Variants in MATN2 observed in about 807,000 individuals in gnomAD.
MATN2 encodes the protein matrilin-2.
Under a neutral mutation model 103.2 loss-of-function variants are expected in MATN2, and 69 were observed. The ratio of observed to expected loss-of-function variants is 0.67; its 90% CI spans 0.55 to 0.82. The LOEUF (loss-of-function observed/expected upper bound fraction) is 0.82. Ranked by LOEUF, MATN2 falls within the 40% of genes least tolerant of loss-of-function variation. The pLI is 0.00. For missense variants in MATN2, 1,023 were observed against 1,211.5 expected (o/e 0.84, Z 2.31); for synonymous variants, 429 against 450.2 (o/e 0.95, Z 0.60).
Position 97,978,933 on chromosome 8 carries a change from G to A in MATN2, c.1006G>A (p.Val336Ile). The change falls in exon 6 of 19, where the codon GTA (valine) becomes ATA (isoleucine). Residue 336 changes from valine (V) to isoleucine (I), a missense_variant. Coordinates refer to ENST00000254898, the MANE Select transcript of MATN2 (RefSeq NM_002380.5). ...SENHGCEHEC[V>I]NADGSYLCQC... is the part of the protein sequence containing the mutation. ...AAACCACGGATGTGAACATGAGTGT[G>A]TAAATGCTGATGGCTCCTACCTTTG... 1.2e-6 allele frequency: 2 copies of A among 1,613,748 alleles called. No homozygotes were observed. The highest frequency in any genetic ancestry group is 2.2e-5 in the South Asian group (2 of 91,076).
chr8:97,935,089 CT>C (rs933296423), intron 3 of MATN2, among the ~76,000 whole-genome samples: 17 of 150,056 alleles, frequency 1.1e-4, no homozygotes, highest in South Asian at 8.5e-4. Context: ...CTATCATTAT[CT>C]TTTTTTTTTC....
chr8:97,874,941 C>A (rs1443954485), intron 1 of MATN2, among the ~76,000 whole-genome samples: 2 of 152,116 alleles, frequency 1.3e-5, no homozygotes, highest in Non-Finnish European at 2.9e-5. Context: ...TGGTCTCGAA[C>A]TTTTGACCTT....
intron 2 of MATN2, among the ~76,000 whole-genome samples, chr8:97,914,239 G>A (rs958204502): frequency 2.6e-5 from 4 of 152,020 alleles, no homozygotes; most frequent in Non-Finnish European, 4.4e-5. Context: ...CTTTGGGCTG[G>A]GCCATAGATG....
rs149072966 is a variant in MATN2, at chr8:97,908,132, G to A, written c.142+19890G>A. Among the ~76,000 whole-genome samples the A allele has an allele frequency of 1.7e-4, 26 of 152,268 alleles. No individual in the cohort carries two copies. The East Asian group carries it at 5.0e-3, about 29-fold the overall frequency. ...CTCACAGGGGGATTGCTATGGCTAA[G>A]TTCATAGATAATTGGGTAGTTGGCT... On this transcript the variant is annotated intron_variant, in intron 2 of 18. Transcript: ENST00000254898.
chr8:98,003,798 G>T lies in MATN2; in HGVS notation c.1327+15G>T. On this transcript the variant is annotated intron_variant, in intron 8 of 18. Transcript: ENST00000254898. The stretch of plus-strand genomic sequence containing the variant: ...AACCTGCAGCCGTGAGTGTACCCTA[G>T]GGGTGGGGTGCTGATGGAAGGTGGG... 2 of 1,613,474 alleles carry T rather than the reference G, an allele frequency of 1.2e-6. No homozygotes were observed. Among genetic ancestry groups the T allele is most frequent in the South Asian group, 1.1e-5 (1 of 91,048 alleles).
At chr8:98,022,771 C>T (rs1351290082) in intron 13 of MATN2, among the ~76,000 whole-genome samples, 1 of 152,192 alleles carries the variant, frequency 6.6e-6, no homozygotes, top group African/African-American at 2.4e-5. Flanking sequence ...CTGATTCATA[C>T]TACCCGTGTG....
chr8:97,984,334 G>A (rs1302781462), intron 6 of MATN2, among the ~76,000 whole-genome samples: 2 of 152,170 alleles, frequency 1.3e-5, no homozygotes, highest in Non-Finnish European at 2.9e-5. Flanking sequence ...AACAAATTTG[G>A]CTACTTGCGT....
chr8:97,890,983 C>G (rs572844236), intron 2 of MATN2, among the ~76,000 whole-genome samples: 1 of 152,118 alleles, frequency 6.6e-6, no homozygotes, highest in Admixed American at 6.5e-5. Flanking sequence ...TGTATATATC[C>G]ACCATCCTGT....
Position 98,007,468 on chromosome 8 carries a change from T to C in MATN2, c.1451-11T>C. ...CACTGATAAAGGGCTGCCTGGCTTT[T>C]GGTTTTGCAGGGGTGGATTACTGCC... is the stretch of plus-strand genomic sequence containing the variant. On this transcript the variant is annotated splice_polypyrimidine_tract_variant and intron_variant, in intron 9 of 18. Transcript: ENST00000254898. This position sits in a 1 kb window ranked among gnomAD's most constrained non-coding sequence, Gnocchi z 4.2. 1 of 1,608,174 alleles carries C rather than the reference T, an allele frequency of 6.2e-7. No homozygotes were observed. Among genetic ancestry groups the C allele is most frequent in the Non-Finnish European group, 8.5e-7 (1 of 1,174,982 alleles).
chr8:97,886,208 T>G (rs1371184157), intron 1 of MATN2, among the ~76,000 whole-genome samples: 1 of 152,158 alleles, frequency 6.6e-6, no homozygotes, highest in Non-Finnish European at 1.5e-5. Context: ...GAAAACAAGC[T>G]CAGGGCTCCC....
intron 4 of MATN2, among the ~76,000 whole-genome samples, chr8:97,954,040 C>G (rs1811057161): frequency 2.0e-5 from 3 of 152,164 alleles, no homozygotes; most frequent in Non-Finnish European, 2.9e-5. Flanking sequence ...TTATCTCACT[C>G]AACCCTACAA....
intron 5 of MATN2, among the ~76,000 whole-genome samples, chr8:97,967,888 A>G (rs1434680812): frequency 1.3e-5 from 2 of 152,362 alleles, no homozygotes; most frequent in African/African-American, 2.4e-5. Context: ...TCCCTTTGGC[A>G]CTGACCTAGT....
intron 10 of MATN2, among the ~76,000 whole-genome samples, chr8:98,010,405 C>T (rs554800299): frequency 5.0e-4 from 76 of 152,318 alleles, no homozygotes; most frequent in African/African-American, 1.7e-3. Context: ...GGGTTTAAAT[C>T]GTGTCGCTTC....
intron 5 of MATN2, among the ~76,000 whole-genome samples, chr8:97,969,388 T>C (rs1019392391): frequency 6.6e-6 from 1 of 152,238 alleles, no homozygotes; most frequent in Non-Finnish European, 1.5e-5. Context: ...TAGTAATATA[T>C]ACATTGTAAG....
intron 10 of MATN2, among the ~76,000 whole-genome samples, chr8:98,014,192 G>C (rs139811568): frequency 6.6e-6 from 1 of 152,144 alleles, no homozygotes; most frequent in East Asian, 1.9e-4. Context: ...AGGGCTTAGG[G>C]GTCTGTCTGG....
chr8:98,021,193 C>T lies in MATN2; in HGVS notation c.1820-12C>T, dbSNP rs1813577021. On this transcript the variant is annotated splice_polypyrimidine_tract_variant and intron_variant, in intron 12 of 18. Coordinates refer to ENST00000254898, the MANE Select transcript of MATN2 (RefSeq NM_002380.5). ...ACTGATGGGATTGTTCAACTCCCTACATTTTCCTCAGGGAAGGATGTCTGC... is the reference window on the plus strand; with the variant it reads ...ACTGATGGGATTGTTCAACTCCCTATATTTTCCTCAGGGAAGGATGTCTGC... 1.9e-6 allele frequency: 3 copies of T among 1,612,224 alleles called. No individual in the cohort carries two copies. The highest frequency in any genetic ancestry group is 2.7e-5 in the African/African-American group (2 of 74,906).
At chr8:97,924,062 C>T (rs1809903957) in intron 2 of MATN2, among the ~76,000 whole-genome samples, 1 of 152,188 alleles carries the variant, frequency 6.6e-6, no homozygotes, top group Admixed American at 6.5e-5. Context: ...CTATTTCCTG[C>T]TTCCCCAGCT....
chr8:97,914,590 G>A (rs1471008033), intron 2 of MATN2, among the ~76,000 whole-genome samples: 1 of 151,580 alleles, frequency 6.6e-6, no homozygotes, highest in Non-Finnish European at 1.5e-5. Flanking sequence ...CTGAGCTCAA[G>A]TGATCCTCTT....
chr8:97,966,565 CAA>C (rs5893441), intron 5 of MATN2, among the ~76,000 whole-genome samples: 313 of 141,846 alleles, frequency 2.2e-3, no homozygotes, highest in East Asian at 2.9e-3. Flanking sequence ...GACCTTGTCT[CAA>C]AAAAAAAAAA....
Sources: allele counts gnomAD v4.1 joint callset (sites outside exome capture counted in the v4.1 genomes callset), GRCh38; gene constraint gnomAD v4.1.1; non-coding constraint Gnocchi (gnomAD v3.1); transcripts MANE v1.5; gene names NCBI Gene and HGNC (gene_info 2026-07-23, HGNC 2026-07-21).